The following NUP205 variants were observed in gnomAD, a reference collection of about 807,000 sequenced individuals.
NUP205 encodes nucleoporin 205, also known as nuclear pore complex protein Nup205.
In NUP205, 76 loss-of-function variants were observed where a neutral mutation model predicts 253.8. The ratio of observed to expected loss-of-function variants is 0.30; its 90% CI spans 0.25 to 0.36. NUP205 has a LOEUF of 0.36. Ranked by LOEUF, NUP205 falls within the 10% of genes least tolerant of loss-of-function variation. NUP205 has a pLI of 1.00. For missense variants in NUP205, 2,162 were observed against 2,425.5 expected (o/e 0.89, Z 2.28); for synonymous variants, 832 against 850.1 (o/e 0.98, Z 0.37).
chr7:135,564,898 C>A (rs375345222), intron 1 of NUP205, among the ~76,000 whole-genome samples: 1 of 151,938 alleles, frequency 6.6e-6, no homozygotes. Context: ...TCCTGAGTAG[C>A]TGGGATTACA....
intron 1 of NUP205, among the ~76,000 whole-genome samples, chr7:135,559,944 C>G (rs561637462): frequency 6.6e-6 from 1 of 151,710 alleles, no homozygotes; most frequent in African/African-American, 2.4e-5. Context: ...CTGCAACGTC[C>G]GCCTCCTGGG....
intron 30 of NUP205, 76 bp from the exon 31 acceptor site, chr7:135,622,701 T>A: frequency 7.7e-7 from 1 of 1,290,678 alleles, no homozygotes; most frequent in Non-Finnish European, 1.1e-6. Flanking sequence ...AGCTCATACC[T>A]AGCATGTGAG....
At chr7:135,592,561 T>C (rs1035452508) in intron 11 of NUP205, among the ~76,000 whole-genome samples, 2 of 152,198 alleles carry the variant, frequency 1.3e-5, no homozygotes, top group Non-Finnish European at 2.9e-5. Flanking sequence ...AGGACAGAGA[T>C]TGCCTTTGTG....
intron 1 of NUP205, among the ~76,000 whole-genome samples, chr7:135,569,945 A>G (rs1427606599): frequency 6.6e-6 from 1 of 151,428 alleles, no homozygotes; most frequent in Non-Finnish European, 1.5e-5. Context: ...TGCCTATGAT[A>G]TGAAAGGCAC....
intron 20 of NUP205, 152 bp from the exon 21 acceptor site, chr7:135,606,599 C>A: frequency 1.6e-6 from 1 of 636,422 alleles, no homozygotes; most frequent in Non-Finnish European, 2.7e-6. Flanking sequence ...TTTTAGGATT[C>A]CACTTTAAAT....
rs763818086 is a variant in NUP205, at chr7:135,584,952, A to T, written c.1163A>T (p.Tyr388Phe). 3 of 1,613,818 alleles carry T rather than the reference A, an allele frequency of 1.9e-6. No individual in the cohort carries two copies. The highest frequency in any genetic ancestry group is 2.7e-5 in the African/African-American group (2 of 74,948). Residue 388 changes from tyrosine to phenylalanine, a missense_variant, in exon 8 of 43, where the codon TAT becomes TTT. Transcript: ENST00000285968. ...VSEYFYQEEF[Y>F]IRRVHNLITD... ...GAATACTTTTATCAGGAAGAATTTT[A>T]TATTCGCAGAGTCCATAATCTCATC...
chr7:135,570,079 A>ATT (rs1805909431), intron 1 of NUP205, among the ~76,000 whole-genome samples: 1 of 150,004 alleles, frequency 6.7e-6, no homozygotes. Context: ...AGAGAGAGAG[A>ATT]GAGAGAGAGA....
intron 1 of NUP205, among the ~76,000 whole-genome samples, chr7:135,563,458 G>A (rs1475629944): frequency 6.6e-6 from 1 of 152,096 alleles, no homozygotes; most frequent in East Asian, 1.9e-4. Context: ...AAAGTGGTGG[G>A]ATTACAGGCG....
chr7:135,648,296 A>G, intron 42 of NUP205, 108 bp from the exon 43 acceptor site: 1 of 912,894 alleles, frequency 1.1e-6, no homozygotes, highest in African/African-American at 1.7e-5. Context: ...ATTTACATTG[A>G]AAGAACCACA....
At position 135,606,771 on chromosome 7, in the gene NUP205, T is replaced by C; in HGVS notation, c.2926T>C (p.Leu976=). Residue 976 remains leucine (L), a synonymous_variant, in exon 21 of 43, where the codon TTA becomes CTA. Coordinates refer to ENST00000285968, the MANE Select transcript of NUP205 (RefSeq NM_015135.3). ...TTAAGGATCAGAACTTGAAAAGAAA[T>C]TAGTTGCAATTCGTCATGAAACAAG... ...LEEGSELEKK[L]VAIRHETRIH... 6.2e-7 allele frequency: 1 copy of C among 1,613,824 alleles called. No homozygotes were observed. The highest frequency in any genetic ancestry group is 8.5e-7 in the Non-Finnish European group (1 of 1,179,792).
intron 1 of NUP205, among the ~76,000 whole-genome samples, chr7:135,560,332 A>G (rs1805549944): frequency 6.6e-6 from 1 of 152,124 alleles, no homozygotes; most frequent in African/African-American, 2.4e-5. Flanking sequence ...GCCCTAAGCT[A>G]TTATAATTAT....
At chr7:135,636,092 A>G (rs1020097551) in intron 36 of NUP205, among the ~76,000 whole-genome samples, 1 of 152,114 alleles carries the variant, frequency 6.6e-6, no homozygotes, top group African/African-American at 2.4e-5. Context: ...CTTATTACTA[A>G]TTTATCCCCA....
chr7:135,573,285 T>G (rs956943636), intron 2 of NUP205, among the ~76,000 whole-genome samples: 1 of 152,250 alleles, frequency 6.6e-6, no homozygotes, highest in African/African-American at 2.4e-5. Flanking sequence ...CTTGCTCTGC[T>G]AAGTAATTAA....
intron 1 of NUP205, among the ~76,000 whole-genome samples, chr7:135,570,052 TAG>T (rs373590569): frequency 0.088 from 6,882 of 78,106 alleles, 197 homozygotes; most frequent in Admixed American, 0.1. Context: ...TATATATATA[TAG>T]AGAGAGAGAG....
chr7:135,564,574 T>C (rs1805694357), intron 1 of NUP205, among the ~76,000 whole-genome samples: 1 of 150,994 alleles, frequency 6.6e-6, no homozygotes, highest in African/African-American at 2.4e-5. Context: ...AGAGACAGGG[T>C]TTTGCCATGT....
At chr7:135,637,790 T>C in intron 36 of NUP205, 141 bp from the exon 37 acceptor site, 2 of 634,258 alleles carry the variant, frequency 3.2e-6, no homozygotes, top group Non-Finnish European at 4.9e-6. Context: ...ATGCTACTTT[T>C]AGTTGGCTCA....
chr7:135,583,844 CTTT>C (rs756603941), intron 7 of NUP205, among the ~76,000 whole-genome samples: 3 of 138,936 alleles, frequency 2.2e-5, no homozygotes, highest in Non-Finnish European at 3.1e-5. Flanking sequence ...TTCTTTCTTT[CTTT>C]TTTTTTTTTT....
chr7:135,601,815 C>T lies in NUP205; in HGVS notation c.2512+308C>T, dbSNP rs546129204. On this transcript the variant is annotated intron_variant, in intron 17 of 42. Coordinates refer to ENST00000285968, the MANE Select transcript of NUP205 (RefSeq NM_015135.3). ...AAAGTACTTTTTTGTCCATCCCCCACCTCATAATATTTTTAAAAGGACTTA... is the reference window on the plus strand; with the variant it reads ...AAAGTACTTTTTTGTCCATCCCCCATCTCATAATATTTTTAAAAGGACTTA... 2.0e-5 allele frequency among the ~76,000 whole-genome samples: 3 copies of T among 152,228 alleles called. No homozygotes were observed. The South Asian group carries it at 6.2e-4, about 32-fold the overall frequency.
chr7:135,626,149 A>G (rs769458610), intron 32 of NUP205, 91 bp from the exon 33 acceptor site: 62 of 1,470,862 alleles, frequency 4.2e-5, no homozygotes, highest in Non-Finnish European at 5.5e-5. Context: ...ATAACTAAGG[A>G]TGAGAAATTT....
Sources: allele counts gnomAD v4.1 joint callset (sites outside exome capture counted in the v4.1 genomes callset), GRCh38; gene constraint gnomAD v4.1.1; transcripts MANE v1.5; gene names NCBI Gene and HGNC (gene_info 2026-07-23, HGNC 2026-07-21).